Variants in TMEM63C observed in about 807,000 individuals in gnomAD.
The protein encoded by TMEM63C is transmembrane protein 63C.
In TMEM63C, 32 loss-of-function variants were observed where a neutral mutation model predicts 99.2. The ratio of observed to expected loss-of-function variants is 0.32; its 90% confidence interval spans 0.24 to 0.43. The LOEUF is 0.43. Among genes scored for constraint, TMEM63C ranks in the 20% least tolerant of loss-of-function variants. The probability of loss-of-function intolerance (pLI) is 1.00; values close to 1 mark genes in which losing one functional copy is unlikely to be tolerated. For synonymous variants in TMEM63C, 376 were observed against 397.9 expected, an observed-to-expected ratio of 0.94 and a Z score of 0.66; for missense variants, 826 against 1,053.0, an observed-to-expected ratio of 0.78 and a Z score of 2.98.
chr14:77,228,738 C>T (rs575704940), intron 6 of TMEM63C, among the ~76,000 whole-genome samples: 2 of 152,086 alleles, frequency 1.3e-5, no homozygotes, highest in East Asian at 2.0e-4. Flanking sequence ...GGCTTCACCA[C>T]GTTGGCCAGG....
At chr14:77,227,016 C>T (rs1888840969) in intron 6 of TMEM63C, among the ~76,000 whole-genome samples, 1 of 152,186 alleles carries the variant, frequency 6.6e-6, no homozygotes, top group African/African-American at 2.4e-5. Context: ...GATCCACCTG[C>T]CTCAGTCTCT....
intron 5 of TMEM63C, 124 bp from the exon 6 acceptor site, chr14:77,225,300 C>T: frequency 1.4e-6 from 1 of 691,314 alleles, no homozygotes; most frequent in Non-Finnish European, 2.3e-6. Context: ...GACTCTTTTT[C>T]CCAGGAAGGA....
At chr14:77,206,544 G>T (rs1020108806) in intron 1 of TMEM63C, among the ~76,000 whole-genome samples, 6 of 152,252 alleles carry the variant, frequency 3.9e-5, no homozygotes, top group African/African-American at 1.4e-4. Context: ...AGAGGAGATG[G>T]CATTGGATTC....
intron 1 of TMEM63C, among the ~76,000 whole-genome samples, chr14:77,203,174 T>G (rs1348003669): frequency 6.6e-6 from 1 of 151,956 alleles, no homozygotes; most frequent in Non-Finnish European, 1.5e-5. Flanking sequence ...GGTCAGGAGT[T>G]AGAGACCAGC....
chr14:77,222,701 TC>T (rs1368104442), intron 5 of TMEM63C, among the ~76,000 whole-genome samples: 1 of 152,076 alleles, frequency 6.6e-6, no homozygotes, highest in East Asian at 1.9e-4. Context: ...CTCTTCCCTC[TC>T]CCCCTTCCGC....
intron 9 of TMEM63C, among the ~76,000 whole-genome samples, chr14:77,237,766 C>T (rs997586679): frequency 3.3e-5 from 5 of 152,184 alleles, no homozygotes; most frequent in East Asian, 1.9e-4. Flanking sequence ...CGGGGGGCCA[C>T]GGGCAGGCAC....
chr14:77,243,181 G>T, intron 15 of TMEM63C, 125 bp downstream of exon 15: 1 of 1,179,224 alleles, frequency 8.5e-7, no homozygotes, highest in East Asian at 2.5e-5. Flanking sequence ...GAACATTGTG[G>T]AGGTGGCCAT....
At position 77,194,493 on chromosome 14, in the gene TMEM63C, T is replaced by TTTTCTTTTTC. The variant is rs1555346130; in HGVS notation, c.-77+12606_-77+12607insTTCTTTCTTT. Among the ~76,000 whole-genome samples, 232 of 48,728 alleles carry TTTTCTTTTTC rather than the reference T, an allele frequency of 4.8e-3. 18 individuals carry two copies. The highest frequency in any genetic ancestry group is 0.01 in the South Asian group (8 of 770). 32.0% of individuals were successfully genotyped at this position (48,728 alleles called of 152,430 possible). The stretch of plus-strand genomic sequence containing the variant: ...CAGGGACATCCATGCCATATTTCTT[T>TTTTCTTTTTC]TTTCTTTCTTTCTTTCTTTCTTTCT... On this transcript the variant is annotated intron_variant, in intron 1 of 23. Coordinates refer to ENST00000298351, the MANE Select transcript of TMEM63C (RefSeq NM_020431.4).
intron 2 of TMEM63C, among the ~76,000 whole-genome samples, chr14:77,215,614 A>AAGAAAAGAAAAGAAAAGAAAAG (rs1555347250): frequency 2.6e-5 from 2 of 76,528 alleles, no homozygotes; most frequent in East Asian, 4.5e-4. Context: ...AAAAAAAAAA[A>AAGAAAAGAAAAGAAAAGAAAAG]AAAAGAAAAG....
At chr14:77,231,312 C>T (rs1888934993) in intron 6 of TMEM63C, among the ~76,000 whole-genome samples, 1 of 152,176 alleles carries the variant, frequency 6.6e-6, no homozygotes, top group South Asian at 2.1e-4. Flanking sequence ...TGCTCTATTT[C>T]AAGAGTGTTT....
At chr14:77,223,124 G>C (rs1040371258) in intron 5 of TMEM63C, among the ~76,000 whole-genome samples, 11 of 152,148 alleles carry the variant, frequency 7.2e-5, no homozygotes, top group Non-Finnish European at 1.0e-4. Context: ...TCTCTTGAAG[G>C]CTTCCTGGAT....
chr14:77,225,418 C>T lies in TMEM63C; in HGVS notation c.313-6C>T. The T allele has an allele frequency of 6.2e-6, 10 of 1,612,964 alleles. No individual in the cohort carries two copies. Among genetic ancestry groups the T allele is most frequent in the African/African-American group, 1.3e-5 (1 of 75,010 alleles). ...TTTTCTCACAGTTTCTCTCCTTTCC[C>T]CGCAGGGATTCTGTTCCTGGTTCTT... is the stretch of plus-strand genomic sequence containing the variant. On this transcript the variant is annotated splice_polypyrimidine_tract_variant and splice_region_variant and intron_variant, in intron 5 of 23. Transcript: ENST00000298351.
At chr14:77,253,027 C>G (rs1889396344) in intron 22 of TMEM63C, among the ~76,000 whole-genome samples, 1 of 152,216 alleles carries the variant, frequency 6.6e-6, no homozygotes, top group African/African-American at 2.4e-5. Context: ...CTCCTGGAGT[C>G]AAAGCAGGCT....
intron 7 of TMEM63C, among the ~76,000 whole-genome samples, 191 bp from the exon 8 acceptor site, chr14:77,233,261 A>G (rs1888976011): frequency 6.6e-6 from 1 of 152,168 alleles, no homozygotes; most frequent in Non-Finnish European, 1.5e-5. Context: ...AGCCCCAGTC[A>G]GCAGTGCCAG....
At chr14:77,232,945 T>G (rs1268299667) in intron 7 of TMEM63C, among the ~76,000 whole-genome samples, 1 of 152,200 alleles carries the variant, frequency 6.6e-6, no homozygotes, top group Non-Finnish European at 1.5e-5. Flanking sequence ...TAGAGTAATA[T>G]CTGAGTCTTG....
intron 1 of TMEM63C, chr14:77,200,920 C>G (rs1888289931): frequency 6.6e-6 from 1 of 150,654 alleles, no homozygotes; most frequent in Admixed American, 6.6e-5. Context: ...CTTCCAGAGT[C>G]TTAGCACAGC....
chr14:77,252,696 G>A (rs1889389001), intron 22 of TMEM63C, among the ~76,000 whole-genome samples: 1 of 152,212 alleles, frequency 6.6e-6, no homozygotes, highest in South Asian at 2.1e-4. Flanking sequence ...ACACACTACT[G>A]AGCCTGAGGA....
intron 23 of TMEM63C, 107 bp from the exon 24 acceptor site, chr14:77,256,419 C>A: frequency 1.8e-6 from 2 of 1,105,504 alleles, no homozygotes; most frequent in Admixed American, 1.9e-5. Context: ...GCTCCAAGGT[C>A]TGGAGGAGAC....
chr14:77,241,009 G>C (rs996635903), intron 13 of TMEM63C, among the ~76,000 whole-genome samples: 1 of 143,576 alleles, frequency 7.0e-6, no homozygotes, highest in Non-Finnish European at 1.5e-5. Context: ...GGAGTGCAAT[G>C]GCACAATCTC....
Sources: gnomAD v4.1 joint callset for allele counts (sites outside exome capture counted in the v4.1 genomes callset) on GRCh38, gnomAD v4.1.1 for gene constraint, MANE v1.5 for transcripts, NCBI Gene and HGNC (gene_info 2026-07-23, HGNC 2026-07-21) for gene names.